Variants in HTR2C observed in about 807,000 individuals in gnomAD.
The protein encoded by HTR2C is 5-hydroxytryptamine (serotonin) receptor 2C, G protein-coupled.
In HTR2C, 5 loss-of-function variants were observed where a neutral mutation model predicts 21.0. That is an observed-to-expected ratio of 0.24 (90% CI 0.12 to 0.50). The LOEUF (loss-of-function observed/expected upper bound fraction) is 0.50, where lower values mean the gene tolerates loss of function less well. Ranked by LOEUF, HTR2C falls within the 20% of genes least tolerant of loss-of-function variation. The pLI is 0.98. For synonymous variants in HTR2C, 150 were observed against 145.3 expected (o/e 1.03, Z -0.23); for missense variants, 271 against 371.2 (o/e 0.73, Z 2.22).
rs2071401026 is a variant in HTR2C, at chrX:114,909,760, A to G, written c.*2345A>G. 1 of 112,290 alleles carries G rather than the reference A, an allele frequency of 8.9e-6. No homozygotes were observed. Among genetic ancestry groups the G allele is most frequent in the South Asian group, 3.7e-4 (1 of 2,703 alleles). The allele number at this position is 112,290 out of a possible 1,213,427, so 9.3% of individuals were successfully genotyped here. ...AACAAATATACTCATTTGGATATAA[A>G]TCTTACCCTTCAATGTTAAATCTAC... On this transcript the variant is annotated 3_prime_UTR_variant, in exon 6 of 6. Coordinates refer to ENST00000276198, the MANE Select transcript of HTR2C (RefSeq NM_000868.4).
chrX:114,762,010 A>ATATATACTATTTGTACACATATATAT (rs1556432672), intron 4 of HTR2C, among the ~76,000 whole-genome samples: 1 of 8,444 alleles, frequency 1.2e-4, no homozygotes, highest in African/African-American at 4.4e-4. Flanking sequence ...ACATATATAT[A>ATATATACTATTTGTACACATATATAT]GTATATATAC....
intron 4 of HTR2C, among the ~76,000 whole-genome samples, chrX:114,762,607 T>C (rs1187053092): frequency 8.9e-6 from 1 of 111,991 alleles, no homozygotes; most frequent in African/African-American, 3.2e-5. Flanking sequence ...CCCTAGGGTA[T>C]TGGAACATAT....
intron 2 of HTR2C, chrX:114,715,448 A>G (rs1446950501): frequency 4.0e-6 from 1 of 251,751 alleles, no homozygotes; most frequent in Non-Finnish European, 8.0e-6. Context: ...GTGAAGAGAC[A>G]CCATTGTAAA....
In HTR2C at chrX:114,726,874, A is replaced by C. The variant is rs1378019580; in HGVS notation, c.-63A>C. On this transcript the variant is annotated 5_prime_UTR_variant, in exon 3 of 6. Coordinates refer to ENST00000276198, the MANE Select transcript of HTR2C (RefSeq NM_000868.4). ...TCTCCCCAGAAAGGATGATATGATG[A>C]ACCTAGCCTGTTAATTTCGTCTTCT... is the stretch of plus-strand genomic sequence containing the variant. 4 of 685,229 alleles carry C rather than the reference A, an allele frequency of 5.8e-6. No homozygotes were observed. Among genetic ancestry groups the C allele is most frequent in the Non-Finnish European group, 8.8e-6 (4 of 456,045 alleles). 56.5% of individuals were successfully genotyped at this position (685,229 alleles called of 1,213,427 possible).
At chrX:114,631,959 T>C (rs1248746911) in intron 2 of HTR2C, among the ~76,000 whole-genome samples, 4 of 112,247 alleles carry the variant, frequency 3.6e-5, no homozygotes, top group African/African-American at 1.3e-4. Context: ...AGGTCTATCT[T>C]CTCATAAATC....
rs2070313344 is a variant in HTR2C, at chrX:114,798,220, A to G, written c.350-49783A>G. ...GTTCCTTCATTTTGCAGATCTGGAAACCAAGGCTTAGTGAGGTGAATTGAT... is the reference window on the plus strand; with the variant it reads ...GTTCCTTCATTTTGCAGATCTGGAAGCCAAGGCTTAGTGAGGTGAATTGAT... On this transcript the variant is annotated intron_variant, in intron 4 of 5. Coordinates refer to ENST00000276198, the MANE Select transcript of HTR2C (RefSeq NM_000868.4). 4.5e-5 allele frequency among the ~76,000 whole-genome samples: 5 copies of G among 110,770 alleles called. No individual in the cohort carries two copies. The South Asian group carries it at 1.9e-3, about 42-fold the overall frequency.
chrX:114,607,075 G>C lies in HTR2C; in HGVS notation c.-146-6740G>C, dbSNP rs372435638. On this transcript the variant is annotated intron_variant, in intron 1 of 5. Coordinates refer to ENST00000276198, the MANE Select transcript of HTR2C (RefSeq NM_000868.4). The stretch of plus-strand genomic sequence containing the variant: ...TTCACAAGGTAATGTTATCACTTAA[G>C]GCAAGGACCGGCCATTTACACTTCT... Among the ~76,000 whole-genome samples the C allele has an allele frequency of 2.1e-3, 228 of 108,012 alleles. 1 individual carries two copies. The highest frequency in any genetic ancestry group is 7.7e-3 in the African/African-American group (215 of 28,100). 93.8% of individuals were successfully genotyped at this position (108,012 alleles called of 115,157 possible).
chrX:114,730,439 T>G (rs2147345286), intron 3 of HTR2C, among the ~76,000 whole-genome samples: 1 of 111,837 alleles, frequency 8.9e-6, no homozygotes, highest in East Asian at 2.8e-4. Context: ...TTATCTAGCC[T>G]AGAACAAGGC....
intron 2 of HTR2C, among the ~76,000 whole-genome samples, chrX:114,692,537 C>T (rs917309776): frequency 2.0e-4 from 22 of 111,189 alleles, no homozygotes; most frequent in African/African-American, 6.5e-4. Flanking sequence ...ACTTCAGCAT[C>T]ATGAACCAAG....
At chrX:114,827,882 T>C (rs961315718) in intron 4 of HTR2C, among the ~76,000 whole-genome samples, 2 of 111,564 alleles carry the variant, frequency 1.8e-5, no homozygotes, top group Non-Finnish European at 3.8e-5. Flanking sequence ...TGTTTTTGTC[T>C]TTATCTTTTA....
chrX:114,775,209 C>T (rs1161752049), intron 4 of HTR2C: 3 of 516,633 alleles, frequency 5.8e-6, no homozygotes, highest in Admixed American at 4.6e-5. Flanking sequence ...TCTCAGCTTA[C>T]CGGACCATAT....
At chrX:114,827,145 T>G (rs1417582016) in intron 4 of HTR2C, among the ~76,000 whole-genome samples, 1 of 111,247 alleles carries the variant, frequency 9.0e-6, no homozygotes, top group African/African-American at 3.3e-5. Context: ...TTCATTATAG[T>G]TAACAGTTCA....
intron 5 of HTR2C, among the ~76,000 whole-genome samples, chrX:114,893,180 G>A (rs2071271739): frequency 1.8e-5 from 2 of 110,433 alleles, no homozygotes; most frequent in South Asian, 7.6e-4. Flanking sequence ...CTCCCAACGT[G>A]TGGGATTACA....
rs782799140 is a variant in HTR2C, at chrX:114,749,126, C to CAG, written c.349+17520_349+17521insGA. On this transcript the variant is annotated intron_variant, in intron 4 of 5. Coordinates refer to ENST00000276198, the MANE Select transcript of HTR2C (RefSeq NM_000868.4). ...ATCAAATAAATAGACAATAAAATGT[C>CAG]AAAAAAAAACCACACAAAACAACAA... Among the ~76,000 whole-genome samples the CAG allele has an allele frequency of 1.5e-4, 16 of 104,602 alleles. No individual in the cohort carries two copies. In the East Asian group the frequency reaches 4.6e-3, roughly 30 times the overall value. The allele number at this position is 104,602 out of a possible 115,157, so 90.8% of individuals were successfully genotyped here.
chrX:114,906,813 C>T lies in HTR2C; in HGVS notation c.775C>T (p.Leu259=). 8.3e-7 allele frequency: 1 copy of T among 1,210,742 alleles called. No homozygotes were observed. Among genetic ancestry groups the T allele is most frequent in the Non-Finnish European group, 1.1e-6 (1 of 895,220 alleles). ...LHGHTEEPPG[L]SLDFLKCCKR... Reference sequence around the variant, plus strand: ...CGGCCACACCGAGGAACCGCCTGGACTAAGTCTGGATTTCCTGAAGTGCTG... The same window carrying T: ...CGGCCACACCGAGGAACCGCCTGGATTAAGTCTGGATTTCCTGAAGTGCTG... The change falls in exon 6 of 6, where the codon CTA becomes TTA. Residue 259 remains leucine, a synonymous_variant. Transcript: ENST00000276198.
At chrX:114,754,177 G>A (rs924395866) in intron 4 of HTR2C, among the ~76,000 whole-genome samples, 1 of 91,433 alleles carries the variant, frequency 1.1e-5, no homozygotes, top group African/African-American at 3.4e-5. Context: ...AGGTACTGGG[G>A]TTAGGACTTC....
intron 4 of HTR2C, among the ~76,000 whole-genome samples, chrX:114,838,043 T>A (rs12558172): frequency 1.0e-4 from 11 of 109,750 alleles, no homozygotes; most frequent in East Asian, 8.6e-4. Context: ...TCACAAATGC[T>A]AATATCAGGG....
chrX:114,816,350 A>C (rs2070585808), intron 4 of HTR2C, among the ~76,000 whole-genome samples: 1 of 109,671 alleles, frequency 9.1e-6, no homozygotes, highest in Non-Finnish European at 1.9e-5. Context: ...GCCAAATCTC[A>C]GTTTGTTTGT....
chrX:114,618,077 T>C (rs2147808461), intron 2 of HTR2C, among the ~76,000 whole-genome samples: 1 of 112,199 alleles, frequency 8.9e-6, no homozygotes, highest in African/African-American at 3.2e-5. Flanking sequence ...TTTATAATTA[T>C]CAGTTGAAGT....
Sources: gnomAD v4.1 joint callset for allele counts (sites outside exome capture counted in the v4.1 genomes callset) on GRCh38, gnomAD v4.1.1 for gene constraint, MANE v1.5 for transcripts, NCBI Gene and HGNC (gene_info 2026-07-23, HGNC 2026-07-21) for gene names.